The following R3HCC1L variants were observed in gnomAD, a reference collection of about 807,000 sequenced individuals.
R3HCC1L encodes the protein R3H domain and coiled-coil containing 1 like, also known as coiled-coil domain-containing protein R3HCC1L.
Under a neutral mutation model 59.9 loss-of-function variants are expected in R3HCC1L, and 51 were observed. That is an observed-to-expected ratio of 0.85 (90% CI 0.68 to 1.07). The LOEUF (loss-of-function observed/expected upper bound fraction) is 1.07, where lower values mean the gene tolerates loss of function less well. R3HCC1L is among the 50% of genes least tolerant of loss of function. The pLI, the probability that R3HCC1L is intolerant of heterozygous loss-of-function variation, is 0.00. For synonymous variants in R3HCC1L, 322 were observed against 315.2 expected, an observed-to-expected ratio of 1.02 and a Z score of -0.23; for missense variants, 965 against 933.0, an observed-to-expected ratio of 1.03 and a Z score of -0.45.
intron 1 of R3HCC1L, among the ~76,000 whole-genome samples, 179 bp from the exon 2 acceptor site, chr10:98,155,914 A>C (rs1846816432): frequency 6.6e-6 from 1 of 152,002 alleles, no homozygotes; most frequent in South Asian, 2.1e-4. Context: ...TAGTTATATT[A>C]AAATATTTGG....
At chr10:98,186,550 C>G in intron 4 of R3HCC1L, 9 of 966,704 alleles carry the variant, frequency 9.3e-6, no homozygotes, top group Non-Finnish European at 9.8e-6. Context: ...TCTGAGACTC[C>G]AGAGTCACCT....
intron 1 of R3HCC1L, among the ~76,000 whole-genome samples, chr10:98,143,536 T>G (rs1845377237): frequency 1.3e-5 from 2 of 152,246 alleles, no homozygotes; most frequent in East Asian, 1.9e-4. Context: ...ACCATGTTTC[T>G]TGTTTGCTTC....
intron 9 of R3HCC1L, among the ~76,000 whole-genome samples, chr10:98,243,400 A>G (rs1017063153): frequency 1.3e-5 from 2 of 152,208 alleles, no homozygotes; most frequent in Non-Finnish European, 2.9e-5. Context: ...AGACTGTTGT[A>G]TGGTCCATAT....
chr10:98,199,528 A>G (rs1158476944), intron 4 of R3HCC1L, among the ~76,000 whole-genome samples: 1 of 151,990 alleles, frequency 6.6e-6, no homozygotes, highest in East Asian at 1.9e-4. Flanking sequence ...TAAAAAGATG[A>G]TAATTCTTTA....
In R3HCC1L at chr10:98,234,450, A is replaced by G. The variant is rs780861048; in HGVS notation, c.1966A>G (p.Lys656Glu). 5 of 1,612,602 alleles carry G rather than the reference A, an allele frequency of 3.1e-6. No homozygotes were observed. The East Asian group carries it at 8.9e-5, about 29-fold the overall frequency. ...AATTGTTTTTTTGTGTTGCAGAAAGAAAGGATTTGATATTAAATGGGTGGA... is the reference window on the plus strand; with the variant it reads ...AATTGTTTTTTTGTGTTGCAGAAAGGAAGGATTTGATATTAAATGGGTGGA... ...LLRVFCSYQK[K>E]GFDIKWVDDT... Residue 656 changes from lysine (K) to glutamate (E), a missense_variant, in exon 7 of 10, where the codon AAA (lysine) becomes GAA (glutamate). Transcript: ENST00000298999.
intron 9 of R3HCC1L, among the ~76,000 whole-genome samples, chr10:98,237,979 C>T (rs1266326784): frequency 1.3e-5 from 2 of 152,088 alleles, no homozygotes; most frequent in African/African-American, 4.8e-5. Flanking sequence ...AGGTAAGTAA[C>T]TTACTTACTT....
intron 4 of R3HCC1L, among the ~76,000 whole-genome samples, chr10:98,196,787 A>G (rs968933524): frequency 6.6e-6 from 1 of 152,192 alleles, no homozygotes; most frequent in Admixed American, 6.5e-5. Context: ...GATCTTTAGC[A>G]AAAGTAAGTC....
At chr10:98,230,207 G>C (rs574807127) in intron 5 of R3HCC1L, among the ~76,000 whole-genome samples, 31 of 152,254 alleles carry the variant, frequency 2.0e-4, no homozygotes, top group African/African-American at 6.7e-4. Context: ...AATCCGTCTG[G>C]TCCTGGACTT....
chr10:98,194,088 A>AC (rs1392497858), intron 4 of R3HCC1L, among the ~76,000 whole-genome samples: 10 of 152,182 alleles, frequency 6.6e-5, no homozygotes, highest in African/African-American at 2.4e-4. Flanking sequence ...ATAGTATATT[A>AC]CAAAGCTATA....
At chr10:98,202,741 A>T (rs1049683958) in intron 4 of R3HCC1L, among the ~76,000 whole-genome samples, 3 of 151,822 alleles carry the variant, frequency 2.0e-5, no homozygotes, top group Non-Finnish European at 2.9e-5. Flanking sequence ...AGTCCCAGCT[A>T]CTCACTTGGG....
chr10:98,183,331 C>CTTTTTTTTTTTTTTTTTT (rs35199381), intron 4 of R3HCC1L, among the ~76,000 whole-genome samples: 1 of 138,212 alleles, frequency 7.2e-6, no homozygotes. Flanking sequence ...TGTATTGTGT[C>CTTTTTTTTTTTTTTTTTT]TTTTTTTTTT....
At chr10:98,224,797 C>T (rs1321634647) in intron 5 of R3HCC1L, among the ~76,000 whole-genome samples, 5 of 152,102 alleles carry the variant, frequency 3.3e-5, no homozygotes, top group Non-Finnish European at 5.9e-5. Flanking sequence ...ACATTCTTAG[C>T]CCTAATAAAA....
intron 2 of R3HCC1L, among the ~76,000 whole-genome samples, chr10:98,162,133 G>C (rs1847482692): frequency 6.6e-6 from 1 of 151,024 alleles, no homozygotes; most frequent in African/African-American, 2.4e-5. Context: ...AATATGCCTT[G>C]TAGATCTTTC....
intron 5 of R3HCC1L, among the ~76,000 whole-genome samples, chr10:98,217,495 C>G (rs1271740242): frequency 6.6e-6 from 1 of 152,008 alleles, no homozygotes. Context: ...TTTGACTATT[C>G]TTTGTCTTTT....
At chr10:98,152,001 G>A (rs552751964) in intron 1 of R3HCC1L, among the ~76,000 whole-genome samples, 15 of 151,868 alleles carry the variant, frequency 9.9e-5, no homozygotes, top group African/African-American at 3.1e-4. Flanking sequence ...CTCTGATGCC[G>A]AGCCGAAGCT....
chr10:98,163,758 C>G (rs1847667560), intron 4 of R3HCC1L, among the ~76,000 whole-genome samples: 1 of 152,014 alleles, frequency 6.6e-6, no homozygotes, highest in Admixed American at 6.5e-5. Context: ...TAGTGAGCAG[C>G]AAAGATGCAG....
chr10:98,220,318 C>A (rs970046226), intron 5 of R3HCC1L, among the ~76,000 whole-genome samples: 2 of 149,016 alleles, frequency 1.3e-5, no homozygotes, highest in Admixed American at 1.3e-4. Flanking sequence ...ATCTCACTGA[C>A]GTTCTTTAAT....
At chr10:98,137,096 A>C (rs754131690) in intron 1 of R3HCC1L, among the ~76,000 whole-genome samples, 7 of 152,102 alleles carry the variant, frequency 4.6e-5, no homozygotes, top group Non-Finnish European at 1.0e-4. Flanking sequence ...CTGTAGTCCC[A>C]TGTCCTCAGG....
intron 2 of R3HCC1L, among the ~76,000 whole-genome samples, chr10:98,162,678 G>A (rs543728027): frequency 6.6e-6 from 1 of 151,862 alleles, no homozygotes; most frequent in Non-Finnish European, 1.5e-5. Context: ...GTGTTTGTGT[G>A]TGTGTGTGTG....
Sources: gnomAD v4.1 joint callset for allele counts (sites outside exome capture counted in the v4.1 genomes callset) on GRCh38, gnomAD v4.1.1 for gene constraint, MANE v1.5 for transcripts, NCBI Gene and HGNC (gene_info 2026-07-23, HGNC 2026-07-21) for gene names.